Variants in PLA2R1 observed in about 807,000 individuals in gnomAD.
The protein encoded by PLA2R1 is phospholipase A2 receptor 1.
Under a neutral mutation model 195.9 loss-of-function variants are expected in PLA2R1, and 158 were observed. That is an observed-to-expected ratio of 0.81 (90% CI 0.71 to 0.92). The LOEUF (loss-of-function observed/expected upper bound fraction) is 0.92, where lower values mean the gene tolerates loss of function less well. Ranked by LOEUF, PLA2R1 falls within the 40% of genes least tolerant of loss-of-function variation. The pLI, the probability that PLA2R1 is intolerant of heterozygous loss-of-function variation, is 0.00. For synonymous variants in PLA2R1, 586 were observed against 598.2 expected, an observed-to-expected ratio of 0.98 and a Z score of 0.30; for missense variants, 1,626 against 1,764.6, an observed-to-expected ratio of 0.92 and a Z score of 1.41.
chr2:159,952,360 T>C (rs1334553638), intron 23 of PLA2R1, among the ~76,000 whole-genome samples: 1 of 151,812 alleles, frequency 6.6e-6, no homozygotes, highest in Non-Finnish European at 1.5e-5. Flanking sequence ...ATATGTTCTA[T>C]ATGTACTAGG....
At chr2:159,927,018 G>T (rs560784599), downstream of PLA2R1, among the ~76,000 whole-genome samples, 2 of 152,220 alleles carry the variant, frequency 1.3e-5, no homozygotes, top group South Asian at 4.2e-4. Flanking sequence ...GCCCCACACT[G>T]GGCTGGACCC....
chr2:159,972,723 G>A (rs1689271735), intron 17 of PLA2R1, among the ~76,000 whole-genome samples: 1 of 152,164 alleles, frequency 6.6e-6, no homozygotes, highest in Non-Finnish European at 1.5e-5. Flanking sequence ...CAGATAAGCA[G>A]ACTAATTAGC....
intron 12 of PLA2R1, 101 bp downstream of exon 12, chr2:159,987,055 T>TG: frequency 2.4e-6 from 2 of 838,482 alleles, no homozygotes; most frequent in Non-Finnish European, 4.0e-6. Context: ...GGCACTGTTC[T>TG]GGAAAAAAAA....
chr2:159,951,205 C>T, intron 24 of PLA2R1, 135 bp downstream of exon 24: 1 of 626,358 alleles, frequency 1.6e-6, no homozygotes, highest in Non-Finnish European at 2.8e-6. Flanking sequence ...TTGCATAAAC[C>T]AATTATTTAA....
chr2:159,948,224 ATTTT>A (rs1001769473), intron 25 of PLA2R1, among the ~76,000 whole-genome samples: 1 of 151,848 alleles, frequency 6.6e-6, no homozygotes, highest in East Asian at 1.9e-4. Context: ...CTTTAAAAAT[ATTTT>A]TTTTAATTAC....
chr2:159,966,320 T>A (rs1688786219), intron 20 of PLA2R1, among the ~76,000 whole-genome samples: 1 of 152,162 alleles, frequency 6.6e-6, no homozygotes, highest in African/African-American at 2.4e-5. Flanking sequence ...TCCACTTACA[T>A]GAGGTATCTA....
intron 13 of PLA2R1, among the ~76,000 whole-genome samples, chr2:159,982,743 A>C (rs1044805652): frequency 9.8e-5 from 15 of 152,356 alleles, no homozygotes; most frequent in Non-Finnish European, 2.1e-4. Flanking sequence ...ACTTGTGGGA[A>C]AGGCCAGAAT....
chr2:160,011,062 T>C (rs1298547892), intron 10 of PLA2R1, among the ~76,000 whole-genome samples: 1 of 152,212 alleles, frequency 6.6e-6, no homozygotes, highest in Non-Finnish European at 1.5e-5. Flanking sequence ...GGACCAGGCA[T>C]GAGCGCTGGC....
chr2:160,038,996 A>C (rs1369561529), intron 3 of PLA2R1, among the ~76,000 whole-genome samples: 1 of 152,042 alleles, frequency 6.6e-6, no homozygotes, highest in African/African-American at 2.4e-5. Flanking sequence ...CCTCCTAAGT[A>C]GCTGGGATTA....
chr2:160,053,063 T>A (rs1227616319), intron 1 of PLA2R1, among the ~76,000 whole-genome samples: 1 of 152,134 alleles, frequency 6.6e-6, no homozygotes, highest in Non-Finnish European at 1.5e-5. Flanking sequence ...TTCTCATAAT[T>A]CTGGAGGCTG....
intron 3 of PLA2R1, among the ~76,000 whole-genome samples, chr2:160,039,738 C>T (rs1694403372): frequency 1.3e-5 from 2 of 152,100 alleles, no homozygotes; most frequent in African/African-American, 2.4e-5. Flanking sequence ...AACATGCTCT[C>T]TGCTGGTTGT....
chr2:159,960,291 C>T (rs891057725), intron 20 of PLA2R1, among the ~76,000 whole-genome samples: 2 of 152,170 alleles, frequency 1.3e-5, no homozygotes, highest in South Asian at 4.1e-4. Flanking sequence ...AACTTTCCTT[C>T]ATCACGTACA....
intron 24 of PLA2R1, among the ~76,000 whole-genome samples, chr2:159,950,836 A>G (rs1366969882): frequency 6.6e-6 from 1 of 152,218 alleles, no homozygotes; most frequent in Non-Finnish European, 1.5e-5. Context: ...TTGAGTGTAC[A>G]ATATTTTATT....
rs903381812 is a variant in PLA2R1, at chr2:160,030,735, C to T, written c.842-1772G>A. On this transcript the variant is annotated intron_variant, in intron 4 of 29. Coordinates refer to ENST00000283243, the MANE Select transcript of PLA2R1 (RefSeq NM_007366.5). The stretch of plus-strand genomic sequence containing the variant: ...TTCCTTGTACCATAGTATATGTTCA[C>T]CAGAATTAGCAAGAAACATTAGACT... 4.0e-4 allele frequency among the ~76,000 whole-genome samples: 61 copies of T among 152,074 alleles called. 1 individual carries two copies. The highest frequency in any genetic ancestry group is 2.9e-5 in the Non-Finnish European group (2 of 68,018).
Position 159,951,445 on chromosome 2 carries a change from G to A in PLA2R1, c.3435C>T (p.His1145=), listed in dbSNP as rs572721545. Residue 1145 remains histidine (H), a synonymous_variant, in exon 24 of 30, where the codon CAC becomes CAT. Coordinates refer to ENST00000283243, the MANE Select transcript of PLA2R1 (RefSeq NM_007366.5). ...WYAAIKTCLM[H]KAQLVSITDQ... ...CTGTGATGCTGACCAGTTGTGCTTT[G>A]TGCATCAGGCAGGTTTTTATTGCTG... 1.9e-6 allele frequency: 3 copies of A among 1,613,366 alleles called. No homozygotes were observed. The highest frequency in any genetic ancestry group is 3.3e-5 in the Admixed American group (2 of 60,014).
chr2:159,942,037 G>A (rs372459608), intron 29 of PLA2R1, 45 bp from the exon 30 acceptor site: 79 of 1,549,674 alleles, frequency 5.1e-5, no homozygotes, highest in Non-Finnish European at 6.6e-5. Context: ...CTTCAGTGGC[G>A]ATGAAGTAAT....
chr2:160,024,327 C>T (rs1335010503), intron 6 of PLA2R1, among the ~76,000 whole-genome samples: 1 of 152,152 alleles, frequency 6.6e-6, no homozygotes, highest in Non-Finnish European at 1.5e-5. Context: ...CTGGTGTGGC[C>T]AAGTTGCCAC....
chr2:160,043,285 G>A (rs1694662790), intron 2 of PLA2R1, among the ~76,000 whole-genome samples: 1 of 152,062 alleles, frequency 6.6e-6, no homozygotes, highest in Non-Finnish European at 1.5e-5. Context: ...GCTGACATAG[G>A]GAGAGGGTGA....
chr2:160,024,267 C>T (rs1046169953), intron 6 of PLA2R1, among the ~76,000 whole-genome samples: 3 of 152,180 alleles, frequency 2.0e-5, no homozygotes, highest in African/African-American at 7.2e-5. Flanking sequence ...CCACTTCTAC[C>T]TCGTGGCCCA....
Sources: allele counts gnomAD v4.1 joint callset (sites outside exome capture counted in the v4.1 genomes callset), GRCh38; gene constraint gnomAD v4.1.1; transcripts MANE v1.5; gene names NCBI Gene and HGNC (gene_info 2026-07-23, HGNC 2026-07-21).